Variants in DNAH3 observed in about 807,000 individuals in gnomAD.
The protein encoded by DNAH3 is axonemal beta dynein heavy chain 3.
In DNAH3, 332 loss-of-function variants were observed where a neutral mutation model predicts 432.5. The ratio of observed to expected loss-of-function variants is 0.77; its 90% CI spans 0.70 to 0.84. The LOEUF is 0.84. DNAH3 is among the 40% of genes least tolerant of loss of function. The pLI, the probability that DNAH3 is intolerant of heterozygous loss-of-function variation, is 0.00. For missense variants in DNAH3, 4,861 were observed against 5,114.0 expected (o/e 0.95, Z 1.51); for synonymous variants, 1,956 against 1,900.2 (o/e 1.03, Z -0.76).
At chr16:21,044,817 A>G (rs1192008295) in intron 31 of DNAH3, among the ~76,000 whole-genome samples, 1 of 110,658 alleles carries the variant, frequency 9.0e-6, no homozygotes, top group Non-Finnish European at 1.8e-5. Context: ...GGTTTGTCAT[A>G]GATAGCTCTT....
chr16:21,103,946 G>C (rs1245202891), intron 16 of DNAH3: 1 of 152,876 alleles, frequency 6.5e-6, no homozygotes, highest in Non-Finnish European at 1.5e-5. Flanking sequence ...AACACACATA[G>C]ATGTCTAGAA....
rs921295076 is a variant in DNAH3, at chr16:21,125,165, C to T, written c.1404+10G>A. 3.1e-6 allele frequency: 5 copies of T among 1,588,330 alleles called. No individual in the cohort carries two copies. The highest frequency in any genetic ancestry group is 3.5e-5 in the Admixed American group (2 of 57,806). On this transcript the variant is annotated intron_variant, in intron 9 of 61. Coordinates refer to ENST00000261383, the Ensembl canonical transcript of DNAH3. ...CCCTCAAAAGGTCCAAATGCAGGTC[C>T]CTGACTTACTTTGTGTATCATGAAA... is the stretch of plus-strand genomic sequence containing the variant.
intron 44 of DNAH3, among the ~76,000 whole-genome samples, chr16:20,990,945 C>T (rs914732234): frequency 1.1e-4 from 17 of 152,108 alleles, no homozygotes; most frequent in Admixed American, 3.9e-4. Flanking sequence ...TGCTTGAATC[C>T]GGGAGGCAGA....
At chr16:21,116,860 T>C (rs1340180822) in intron 12 of DNAH3, among the ~76,000 whole-genome samples, 1 of 152,212 alleles carries the variant, frequency 6.6e-6, no homozygotes, top group Non-Finnish European at 1.5e-5. Flanking sequence ...TCACAGAAAC[T>C]GCAGGATAAT....
chr16:21,028,687 T>G (rs1045514176), intron 37 of DNAH3, among the ~76,000 whole-genome samples: 2 of 151,116 alleles, frequency 1.3e-5, no homozygotes, highest in Non-Finnish European at 2.9e-5. Flanking sequence ...ATCATCAGAA[T>G]TTCTAGTGTG....
Position 20,985,395 on chromosome 16 carries a change from G to GA in DNAH3, c.7346dup (p.Met2450HisfsTer10). On this transcript the variant is annotated frameshift_variant, in exon 48 of 62. Transcript: ENST00000261383. LOFTEE classifies it high-confidence loss of function. Reference sequence around the variant, plus strand: ...TCTGGTATAGCTCGTATGCGTTCATGAATGTGGACAGTTTGGCGGCACTTT... The same window carrying GA: ...TCTGGTATAGCTCGTATGCGTTCATGAAATGTGGACAGTTTGGCGGCACTTT... 6.2e-7 allele frequency: 1 copy of GA among 1,614,146 alleles called. No homozygotes were observed. Among genetic ancestry groups the GA allele is most frequent in the East Asian group, 2.2e-5 (1 of 44,882 alleles).
At chr16:21,050,201 T>C (rs1483563926) in intron 29 of DNAH3, among the ~76,000 whole-genome samples, 183 bp from the exon 30 acceptor site, 7 of 152,232 alleles carry the variant, frequency 4.6e-5, no homozygotes, top group African/African-American at 1.2e-4. Flanking sequence ...TTAAAATTTT[T>C]CCCAATTATA....
chr16:20,983,288 G>A (rs1049588876), intron 48 of DNAH3, among the ~76,000 whole-genome samples: 2 of 152,012 alleles, frequency 1.3e-5, no homozygotes, highest in African/African-American at 4.8e-5. Flanking sequence ...ACCACTTCCA[G>A]CTAATTTTTG....
chr16:21,005,169 CTTTT>C (rs58778008), intron 41 of DNAH3, among the ~76,000 whole-genome samples: 25,060 of 150,974 alleles, frequency 0.17, 2,281 homozygotes, highest in African/African-American at 0.24. Context: ...TTCTTTCTTT[CTTTT>C]TCTTTTTCTT....
At chr16:20,948,963 G>A (rs1339954352) in intron 56 of DNAH3, among the ~76,000 whole-genome samples, 2 of 152,134 alleles carry the variant, frequency 1.3e-5, no homozygotes, top group African/African-American at 4.8e-5. Context: ...CCAGCAGAGA[G>A]AGAGAAGCAG....
intron 28 of DNAH3, among the ~76,000 whole-genome samples, chr16:21,053,497 A>G (rs2090028372): frequency 6.6e-6 from 1 of 152,302 alleles, no homozygotes; most frequent in South Asian, 2.1e-4. Context: ...GCATACATGC[A>G]TGCTTGTGTT....
At position 20,987,934 on chromosome 16, in the gene DNAH3, C is replaced by T. The variant is rs745664052; in HGVS notation, c.6725+8G>A. On this transcript the variant is annotated splice_region_variant and intron_variant, in intron 45 of 61. Transcript: ENST00000261383. ...CCCACTATCCAGGAAGACAGAGAAA[C>T]CTCTTACCTTAAAAACATCACATCA... The T allele has an allele frequency of 5.6e-6, 9 of 1,614,024 alleles. No homozygotes were observed. In the African/African-American group the frequency reaches 6.7e-5, roughly 12 times the overall value.
intron 25 of DNAH3, among the ~76,000 whole-genome samples, chr16:21,060,966 TA>T (rs1212801878): frequency 6.6e-6 from 1 of 151,336 alleles, no homozygotes; most frequent in African/African-American, 2.4e-5. Flanking sequence ...GCCTCCTGAG[TA>T]ACTGGGACTA....
intron 58 of DNAH3, among the ~76,000 whole-genome samples, chr16:20,942,115 G>C (rs1032192561): frequency 6.6e-6 from 1 of 150,906 alleles, no homozygotes; most frequent in Admixed American, 6.6e-5. Flanking sequence ...TCAGGCAAGA[G>C]CCGAAGGGCC....
rs1157003708 is a variant in DNAH3, at chr16:21,060,832, T to C, written c.3721-476A>G. 9.6e-5 allele frequency among the ~76,000 whole-genome samples: 14 copies of C among 146,474 alleles called. No individual in the cohort carries two copies. The South Asian group carries it at 1.3e-3, about 14-fold the overall frequency. On this transcript the variant is annotated intron_variant, in intron 25 of 61. Transcript: ENST00000261383. The stretch of plus-strand genomic sequence containing the variant: ...AACCACTGCGCCTGGTCTCTTCTTT[T>C]TTTTTTTTTTTTTTTTATAGAGAGA...
At chr16:21,046,085 T>A (rs2152738710) in intron 31 of DNAH3, among the ~76,000 whole-genome samples, 1 of 150,126 alleles carries the variant, frequency 6.7e-6, no homozygotes, top group South Asian at 2.1e-4. Context: ...GAGGAGAGCT[T>A]TACTTCCCAG....
chr16:21,111,599 C>A, intron 14 of DNAH3, 27 bp downstream of exon 14: 2 of 1,589,456 alleles, frequency 1.3e-6, no homozygotes, highest in Non-Finnish European at 1.7e-6. Context: ...AATACCATTG[C>A]TATTTGTCTG....
In DNAH3 at chr16:21,027,269, T is replaced by C. The variant is rs79919964; in HGVS notation, c.5440-142A>G. ...ACTTATGATGTCCCAGGCACTGTTA[T>C]GCACTAACTCCTAGGTGCATAAAAT... is the stretch of plus-strand genomic sequence containing the variant. On this transcript the variant is annotated intron_variant, in intron 37 of 61. Coordinates refer to ENST00000261383, the Ensembl canonical transcript of DNAH3. 2,201 of 638,152 alleles carry C rather than the reference T, an allele frequency of 3.4e-3. 37 individuals are homozygous for C. The African/African-American group carries it at 0.036, about 10-fold the overall frequency. The allele number at this position is 638,152 out of a possible 1,614,324, so 39.5% of individuals were successfully genotyped here. A position where few individuals can be genotyped will look rare whatever the true frequency, so the allele number is the denominator to read the frequency against.
chr16:21,136,258 A>G, intron 6 of DNAH3, 66 bp downstream of exon 7: 10 of 1,470,722 alleles, frequency 6.8e-6, no homozygotes, highest in Non-Finnish European at 9.4e-6. Context: ...TACAAAAATA[A>G]AAATAAAAAA....
Sources: gnomAD v4.1 joint callset for allele counts (sites outside exome capture counted in the v4.1 genomes callset) on GRCh38, gnomAD v4.1.1 for gene constraint, MANE v1.5 for transcripts, NCBI Gene and HGNC (gene_info 2026-07-23, HGNC 2026-07-21) for gene names.